Variants in RAB11FIP1 observed in about 807,000 individuals in gnomAD.
The protein encoded by RAB11FIP1 is rab11 family-interacting protein 1.
In RAB11FIP1, 49 loss-of-function variants were observed where a neutral mutation model predicts 83.1. The observed-to-expected ratio is 0.59, with a 90% confidence interval of 0.47 to 0.75. RAB11FIP1 has a LOEUF of 0.75. Among genes scored for constraint, RAB11FIP1 ranks in the 30% least tolerant of loss-of-function variants. RAB11FIP1 has a pLI of 0.00. For synonymous variants in RAB11FIP1, 670 were observed against 656.0 expected (o/e 1.02, Z -0.33); for missense variants, 1,536 against 1,598.7 (o/e 0.96, Z 0.67).
Position 37,874,422 on chromosome 8 carries a change from TATC to T in RAB11FIP1, c.1622+90_1622+92del, listed in dbSNP as rs912505063. On this transcript the variant is annotated intron_variant, in intron 3 of 5. Transcript: ENST00000330843. ...CCTTTGGCATATATGGGTACTATGA[TATC>T]ATGGGACCCACAAGAGCTGGTCTAA... 23 of 983,464 alleles carry T rather than the reference TATC, an allele frequency of 2.3e-5. No homozygotes were observed. The Admixed American group carries it at 5.0e-4, about 21-fold the overall frequency. The allele number at this position is 983,464 out of a possible 1,614,324, so 60.9% of individuals were successfully genotyped here. A position where few individuals can be genotyped will look rare whatever the true frequency, so the allele number is the denominator to read the frequency against.
chr8:37,893,272 A>G (rs992187019), intron 1 of RAB11FIP1, among the ~76,000 whole-genome samples: 3 of 151,374 alleles, frequency 2.0e-5, no homozygotes, highest in African/African-American at 4.9e-5. Context: ...ACAGGATTTC[A>G]CCATGTTGGC....
intron 1 of RAB11FIP1, among the ~76,000 whole-genome samples, chr8:37,885,423 C>A (rs1034155894): frequency 2.0e-5 from 3 of 152,174 alleles, no homozygotes; most frequent in African/African-American, 7.2e-5. Flanking sequence ...ATACCAGAGA[C>A]AACCACTATT....
At chr8:37,886,253 A>ACTTTCTAACTTTCAG (rs1806832812) in intron 1 of RAB11FIP1, among the ~76,000 whole-genome samples, 1 of 152,220 alleles carries the variant, frequency 6.6e-6, no homozygotes, top group African/African-American at 2.4e-5. Flanking sequence ...ACTGCTTCCA[A>ACTTTCTAACTTTCAG]CTTTCTAACT....
At chr8:37,864,283 A>AC in intron 5 of RAB11FIP1, among the ~76,000 whole-genome samples, 1 of 152,314 alleles carries the variant, frequency 6.6e-6, no homozygotes, top group South Asian at 2.1e-4. Context: ...AGCAGCTTGA[A>AC]CCAGGAGGAG....
At chr8:37,870,354 T>C in intron 5 of RAB11FIP1, 66 bp downstream of exon 5, 5 of 914,322 alleles carry the variant, frequency 5.5e-6, no homozygotes, top group Non-Finnish European at 9.0e-6. Flanking sequence ...AGGTATACGA[T>C]GGTGACTATG....
intron 1 of RAB11FIP1, among the ~76,000 whole-genome samples, chr8:37,890,302 T>C (rs970288580): frequency 5.1e-4 from 77 of 152,304 alleles, no homozygotes; most frequent in African/African-American, 1.8e-3. Flanking sequence ...TTAATTGTTC[T>C]ACCTAGACGC....
chr8:37,872,533 C>T lies in RAB11FIP1; in HGVS notation c.2269G>A (p.Gly757Arg). 1 of 1,614,228 alleles carries T rather than the reference C, an allele frequency of 6.2e-7. No individual in the cohort carries two copies. Among genetic ancestry groups the T allele is most frequent in the South Asian group, 1.1e-5 (1 of 91,084 alleles). Residue 757 changes from glycine (G) to arginine (R), a missense_variant, in exon 4 of 6, where the codon GGG (glycine) becomes AGG (arginine). Physicochemically the swap from Gly to Arg is moderately radical, Grantham distance 125. Transcript: ENST00000330843. ...CTGGCTTTGCTCTCCACAAGAGACC[C>T]AGCCTGACTCTCCAAGTCTCTGTCT... ...GGDRDLESQA[G>R]SLVESKARDA...
chr8:37,884,175 C>G (rs1410947930), intron 1 of RAB11FIP1, among the ~76,000 whole-genome samples: 1 of 150,934 alleles, frequency 6.6e-6, no homozygotes, highest in Non-Finnish European at 1.5e-5. Context: ...AGTGATTCTC[C>G]TCCCTCAGCC....
chr8:37,877,111 T>A lies in RAB11FIP1; in HGVS notation c.812A>T (p.Asp271Val). The change falls in exon 2 of 6, where the codon GAT becomes GTT. Residue 271 changes from aspartate (D) to valine (V), a missense_variant and splice_region_variant. Asp to Val is a radical substitution (Grantham distance 152, BLOSUM62 -3). Transcript: ENST00000330843. ...AGCAGGAAGAGGCAGAAACTCACCA[T>A]CCGAGGCCGAGGAGGACTCATCCTC... ...DNEDESSSAS[D>V]VMSHKRTAST... The A allele has an allele frequency of 1.2e-6, 2 of 1,607,598 alleles. No homozygotes were observed. Among genetic ancestry groups the A allele is most frequent in the Non-Finnish European group, 1.7e-6 (2 of 1,174,644 alleles).
intron 3 of RAB11FIP1, 102 bp downstream of exon 3, chr8:37,874,413 G>T: frequency 1.1e-6 from 1 of 894,490 alleles, no homozygotes. Context: ...GCATATATGG[G>T]TACTATGATA....
Position 37,871,708 on chromosome 8 carries a change from G to A in RAB11FIP1, c.3094C>T (p.Leu1032=), listed in dbSNP as rs1806465404. The A allele has an allele frequency of 6.2e-7, 1 of 1,613,508 alleles. No individual in the cohort carries two copies. Among genetic ancestry groups the A allele is most frequent in the Non-Finnish European group, 8.5e-7 (1 of 1,180,026 alleles). ...GTCACAGATGCCTGGGGTGCTTGCA[G>A]CCTGAAATCACACAGGCCCTCCCCC... ...VLGEGLCDFR[L]QAPQASVTAP... Residue 1032 remains leucine (L), a synonymous_variant, in exon 4 of 6, where the codon CTG becomes TTG. Transcript: ENST00000330843.
chr8:37,882,693 C>T (rs535837419), intron 1 of RAB11FIP1, among the ~76,000 whole-genome samples: 1 of 152,274 alleles, frequency 6.6e-6, no homozygotes, highest in South Asian at 2.1e-4. Context: ...TGCGGGAGAC[C>T]AAACACTCTC....
chr8:37,893,563 T>C (rs555277915), intron 1 of RAB11FIP1, among the ~76,000 whole-genome samples: 12 of 152,276 alleles, frequency 7.9e-5, no homozygotes, highest in Admixed American at 2.0e-4. Flanking sequence ...GCAGGAGGAC[T>C]GCTTGAGCCC....
In RAB11FIP1 at chr8:37,877,335, C is replaced by G. The variant is rs377756140; in HGVS notation, c.588G>C (p.Thr196=). The change falls in exon 2 of 6, where the codon ACG becomes ACC. Residue 196 remains threonine (T), a synonymous_variant. Transcript: ENST00000330843. ...SDTASAIIPS[T]TPSVDSDDES... is the part of the protein sequence containing the mutation. ...CATCATCACTGTCGACCGAAGGTGTCGTGCTAGGGATGATGGCGGAGGCGG... is the reference window on the plus strand; with the variant it reads ...CATCATCACTGTCGACCGAAGGTGTGGTGCTAGGGATGATGGCGGAGGCGG... 1.2e-6 allele frequency: 2 copies of G among 1,614,128 alleles called. No individual in the cohort carries two copies. Among genetic ancestry groups the G allele is most frequent in the Non-Finnish European group, 1.7e-6 (2 of 1,179,978 alleles).
At chr8:37,874,134 T>A (rs1280474144) in intron 3 of RAB11FIP1, among the ~76,000 whole-genome samples, 1 of 152,138 alleles carries the variant, frequency 6.6e-6, no homozygotes, top group Non-Finnish European at 1.5e-5. Flanking sequence ...CAGGATAACA[T>A]CTGGCTCAAA....
chr8:37,894,908 C>T (rs1406449697), intron 1 of RAB11FIP1, among the ~76,000 whole-genome samples: 1 of 150,000 alleles, frequency 6.7e-6, no homozygotes, highest in Non-Finnish European at 1.5e-5. Flanking sequence ...CAGGCACCTG[C>T]CACCACGTCC....
At chr8:37,885,416 C>G (rs1029944084) in intron 1 of RAB11FIP1, among the ~76,000 whole-genome samples, 1 of 152,148 alleles carries the variant, frequency 6.6e-6, no homozygotes, top group Non-Finnish European at 1.5e-5. Context: ...AGTCTCCATA[C>G]CAGAGACAAC....
chr8:37,867,562 C>G (rs565851426), intron 5 of RAB11FIP1, among the ~76,000 whole-genome samples: 5 of 152,192 alleles, frequency 3.3e-5, no homozygotes, highest in Middle Eastern at 3.4e-3. Context: ...AAAAAATTAG[C>G]TGGGTGTGGT....
chr8:37,875,907 GA>G (rs768865108), intron 2 of RAB11FIP1, among the ~76,000 whole-genome samples: 1 of 152,110 alleles, frequency 6.6e-6, no homozygotes, highest in Non-Finnish European at 1.5e-5. Context: ...TCTGGAAAAG[GA>G]ATTTATACAT....
Sources: gnomAD v4.1 joint callset for allele counts (sites outside exome capture counted in the v4.1 genomes callset) on GRCh38, gnomAD v4.1.1 for gene constraint, MANE v1.5 for transcripts, NCBI Gene and HGNC (gene_info 2026-07-23, HGNC 2026-07-21) for gene names.